CACNG2: variants seen among roughly 807,000 people sequenced by gnomAD.
The protein encoded by CACNG2 is calcium voltage-gated channel auxiliary subunit gamma 2.
Under a neutral mutation model 25.9 loss-of-function variants are expected in CACNG2, and 3 were observed. The ratio of observed to expected loss-of-function variants is 0.12; its 90% confidence interval spans 0.05 to 0.30. The LOEUF (loss-of-function observed/expected upper bound fraction) is 0.30. CACNG2 is among the 10% of genes least tolerant of loss of function. The probability of loss-of-function intolerance (pLI) is 1.00; values close to 1 mark genes in which losing one functional copy is unlikely to be tolerated. For missense variants in CACNG2, 341 were observed against 432.5 expected (o/e 0.79, Z 1.88); for synonymous variants, 167 against 173.3 (o/e 0.96, Z 0.29).
In CACNG2 at chr22:36,702,717, G is replaced by A. The variant is rs1033844928; in HGVS notation, c.-141C>T. 2 of 644,550 alleles carry A rather than the reference G, an allele frequency of 3.1e-6. No individual in the cohort carries two copies. The highest frequency in any genetic ancestry group is 5.5e-6 in the Non-Finnish European group (2 of 366,972). The allele number at this position is 644,550 out of a possible 1,614,324, so 39.9% of individuals were successfully genotyped here. A position where few individuals can be genotyped will look rare whatever the true frequency, so the allele number is the denominator to read the frequency against. ...TATAATGGATATATGTATGAATAGA[G>A]AATATGGAGAGTTATAAAAAAAGGG... On this transcript the variant is annotated 5_prime_UTR_variant, in exon 1 of 4. Transcript: ENST00000300105.
intron 1 of CACNG2, among the ~76,000 whole-genome samples, chr22:36,644,833 G>C (rs1292190070): frequency 6.6e-6 from 1 of 151,598 alleles, no homozygotes; most frequent in Non-Finnish European, 1.5e-5. Flanking sequence ...TTTTTTTAAA[G>C]TTGGTTATAT....
At chr22:36,570,800 C>A (rs1272644357) in intron 2 of CACNG2, among the ~76,000 whole-genome samples, 4 of 150,736 alleles carry the variant, frequency 2.7e-5, no homozygotes. Flanking sequence ...AGTGGGCAAC[C>A]AGCAAATAGC....
At chr22:36,669,508 C>CAAAAAAA (rs1157379465) in intron 1 of CACNG2, among the ~76,000 whole-genome samples, 1 of 61,646 alleles carries the variant, frequency 1.6e-5, no homozygotes, top group Non-Finnish European at 3.0e-5. Context: ...ACTCTATCTC[C>CAAAAAAA]AAAAAAAAAA....
At chr22:36,567,379 G>A (rs960348663) in intron 2 of CACNG2, among the ~76,000 whole-genome samples, 1 of 152,152 alleles carries the variant, frequency 6.6e-6, no homozygotes, top group Non-Finnish European at 1.5e-5. Context: ...TCTGTTCAAC[G>A]ACACAGTAGT....
chr22:36,666,035 T>C (rs1936870206), intron 1 of CACNG2, among the ~76,000 whole-genome samples: 1 of 152,242 alleles, frequency 6.6e-6, no homozygotes, highest in Admixed American at 6.5e-5. Context: ...TTATTCAGCC[T>C]TCAAAAGGAA....
intron 1 of CACNG2, among the ~76,000 whole-genome samples, chr22:36,617,813 C>T (rs144691392): frequency 4.0e-5 from 6 of 151,412 alleles, no homozygotes; most frequent in Non-Finnish European, 7.4e-5. Flanking sequence ...ATACTAGCTC[C>T]TGCGTTTGAG....
intron 1 of CACNG2, among the ~76,000 whole-genome samples, chr22:36,594,991 A>C (rs904515492): frequency 1.4e-5 from 2 of 146,332 alleles, no homozygotes; most frequent in Non-Finnish European, 3.0e-5. Context: ...CTGTGTGCTC[A>C]CTGGGCAGGG....
rs1937445344 is a variant in CACNG2, at chr22:36,703,659, G to C, written c.-1083C>G. 2.0e-5 allele frequency: 3 copies of C among 151,510 alleles called. No individual in the cohort carries two copies. Among genetic ancestry groups the C allele is most frequent in the Admixed American group, 2.0e-4 (3 of 15,178 alleles). The allele number at this position is 151,510 out of a possible 1,614,324, so 9.4% of individuals were successfully genotyped here. ...CGGGGCAGCAAGGCCAGCGCAGAGCGGGGGCCGCCTTTCCTCTTTTTACCC... is the reference window on the plus strand; with the variant it reads ...CGGGGCAGCAAGGCCAGCGCAGAGCCGGGGCCGCCTTTCCTCTTTTTACCC... On this transcript the variant is annotated 5_prime_UTR_variant, in exon 1 of 4. Transcript: ENST00000300105.
At chr22:36,591,205 T>G (rs1049098996) in intron 1 of CACNG2, among the ~76,000 whole-genome samples, 1 of 150,052 alleles carries the variant, frequency 6.7e-6, no homozygotes, top group Non-Finnish European at 1.5e-5. Context: ...CCCGGCTAAT[T>G]TTTTTTTTTG....
chr22:36,679,136 C>CCGTTCCTT (rs1937053450), intron 1 of CACNG2, among the ~76,000 whole-genome samples: 22 of 128,360 alleles, frequency 1.7e-4, no homozygotes, highest in African/African-American at 6.4e-4. Flanking sequence ...TGGATTTTCT[C>CCGTTCCTT]CCTTCCTTCC....
At chr22:36,595,119 G>C (rs1245358151) in intron 1 of CACNG2, among the ~76,000 whole-genome samples, 1 of 151,422 alleles carries the variant, frequency 6.6e-6, no homozygotes, top group Non-Finnish European at 1.5e-5. Flanking sequence ...GTGTGTGTGT[G>C]TCTATGTGTG....
At chr22:36,594,293 C>T (rs1935639403) in intron 1 of CACNG2, among the ~76,000 whole-genome samples, 1 of 152,176 alleles carries the variant, frequency 6.6e-6, no homozygotes, top group Non-Finnish European at 1.5e-5. Flanking sequence ...ACAGATAGTA[C>T]AGAACTTACT....
chr22:36,650,243 G>A (rs531899978), intron 1 of CACNG2, among the ~76,000 whole-genome samples: 11 of 152,230 alleles, frequency 7.2e-5, no homozygotes, highest in East Asian at 5.8e-4. Flanking sequence ...CAAGGCTAAC[G>A]TCCTCACAGT....
chr22:36,703,238 A>AGCGGCGGCG lies in CACNG2; in HGVS notation c.-671_-663dup, dbSNP rs538190446. ...TCGCTTTCCATGGTTTTGCCCGGGCAGCGGCGGCGGCGGCGGCGGCGGCGG... is the reference window on the plus strand; with the variant it reads ...TCGCTTTCCATGGTTTTGCCCGGGCAGCGGCGGCGGCGGCGGCGGCGGCGGCGGCGGCGG... On this transcript the variant is annotated 5_prime_UTR_variant, in exon 1 of 4. Coordinates refer to ENST00000300105, the MANE Select transcript of CACNG2 (RefSeq NM_006078.5). 0.03 allele frequency: 4,678 copies of AGCGGCGGCG among 154,586 alleles called. 257 individuals are homozygous for AGCGGCGGCG. Among genetic ancestry groups the AGCGGCGGCG allele is most frequent in the African/African-American group, 0.1 (4,195 of 39,962 alleles). 9.6% of individuals were successfully genotyped at this position (154,586 alleles called of 1,614,324 possible). A position where few individuals can be genotyped will look rare whatever the true frequency, so the allele number is the denominator to read the frequency against.
intron 1 of CACNG2, among the ~76,000 whole-genome samples, chr22:36,637,160 G>A (rs1304755216): frequency 6.6e-6 from 1 of 152,228 alleles, no homozygotes; most frequent in Non-Finnish European, 1.5e-5. Flanking sequence ...GTGGCCTTAA[G>A]ACTGCATTTA....
intron 1 of CACNG2, among the ~76,000 whole-genome samples, chr22:36,664,236 A>G (rs191593346): frequency 2.9e-4 from 44 of 151,468 alleles, no homozygotes; most frequent in African/African-American, 1.0e-3. Flanking sequence ...ACACACACAC[A>G]CCCATACACA....
rs1241104277 is a variant in CACNG2 at position 36,679,197 on chromosome 22, C to CCTTTCTTTCTTT, written c.211+23157_211+23168dup. ...TCCTTCCTTCCTTCCTTCCTTCCTT[C>CCTTTCTTTCTTT]CTTTCTTTCTTTCTTTCTTTCTTTC... is the stretch of plus-strand genomic sequence containing the variant. On this transcript the variant is annotated intron_variant, in intron 1 of 3. Coordinates refer to ENST00000300105, the MANE Select transcript of CACNG2 (RefSeq NM_006078.5). Among the ~76,000 whole-genome samples, 342 of 54,780 alleles carry CCTTTCTTTCTTT rather than the reference C, an allele frequency of 6.2e-3. 6 individuals are homozygous for CCTTTCTTTCTTT. Among genetic ancestry groups the CCTTTCTTTCTTT allele is most frequent in the African/African-American group, 0.02 (291 of 14,462 alleles). 35.9% of individuals were successfully genotyped at this position (54,780 alleles called of 152,430 possible).
chr22:36,654,957 T>TA (rs1430082046), intron 1 of CACNG2, among the ~76,000 whole-genome samples: 3 of 151,314 alleles, frequency 2.0e-5, no homozygotes, highest in Admixed American at 6.6e-5. Context: ...AGAGAGGCAT[T>TA]AAAAAAAAGG....
intron 1 of CACNG2, among the ~76,000 whole-genome samples, chr22:36,598,016 C>T (rs4821506): frequency 0.24 from 36,685 of 152,130 alleles, 4,528 homozygotes; most frequent in Non-Finnish European, 0.26. Context: ...GATTCTAAGA[C>T]GCTCACATGC....
Sources: allele counts gnomAD v4.1 joint callset (sites outside exome capture counted in the v4.1 genomes callset), GRCh38; gene constraint gnomAD v4.1.1; transcripts MANE v1.5; gene names NCBI Gene and HGNC (gene_info 2026-07-23, HGNC 2026-07-21).